The following BANK1 variants were observed in gnomAD, a reference collection of about 807,000 sequenced individuals.
BANK1 encodes the protein B cell scaffold protein with ankyrin repeats 1, also known as B-cell scaffold protein with ankyrin repeats.
Under a neutral mutation model 94.5 loss-of-function variants are expected in BANK1, and 95 were observed. The ratio of observed to expected loss-of-function variants is 1.00; its 90% CI spans 0.85 to 1.19. BANK1 has a LOEUF of 1.19. Among genes scored for constraint, BANK1 ranks in the 50% most tolerant of loss-of-function variants. The pLI, the probability that BANK1 is intolerant of heterozygous loss-of-function variation, is 0.00. For synonymous variants in BANK1, 334 were observed against 308.4 expected (o/e 1.08, Z -0.87); for missense variants, 987 against 932.2 (o/e 1.06, Z -0.77).
chr4:101,913,257 A>G (rs903708580), intron 6 of BANK1, among the ~76,000 whole-genome samples: 1 of 152,178 alleles, frequency 6.6e-6, no homozygotes, highest in Non-Finnish European at 1.5e-5. Flanking sequence ...TTTGTATAGA[A>G]ATAAAATTTC....
At chr4:101,992,602 G>A (rs1725746964) in intron 7 of BANK1, among the ~76,000 whole-genome samples, 1 of 152,042 alleles carries the variant, frequency 6.6e-6, no homozygotes, top group Admixed American at 6.6e-5. Context: ...CATTATTCAG[G>A]ATTTTTCTTT....
intron 7 of BANK1, among the ~76,000 whole-genome samples, chr4:101,949,565 G>A (rs960372894): frequency 1.3e-5 from 2 of 152,102 alleles, no homozygotes; most frequent in Non-Finnish European, 2.9e-5. Flanking sequence ...TTCCTGGCAT[G>A]TGGTAAGTTT....
intron 7 of BANK1, among the ~76,000 whole-genome samples, chr4:101,991,582 G>A (rs1008107265): frequency 1.3e-5 from 2 of 152,182 alleles, no homozygotes; most frequent in African/African-American, 4.8e-5. Context: ...ATGAGCCCAG[G>A]AGGTGGTTTA....
intron 6 of BANK1, among the ~76,000 whole-genome samples, chr4:101,911,354 C>T (rs1472844021): frequency 6.6e-6 from 1 of 152,304 alleles, no homozygotes; most frequent in East Asian, 1.9e-4. Flanking sequence ...ATTACTATTA[C>T]AATGAATAAC....
chr4:101,852,470 CTATATATATATATATATA>C lies in BANK1; in HGVS notation c.470-2548_470-2531del, dbSNP rs541955636. ...GAAAGAACCACTCAATATTTTTCGG[CTATATATATATATATATA>C]TATATATATATATATACACACACAC... On this transcript the variant is annotated intron_variant, in intron 2 of 16. Transcript: ENST00000322953. Among the ~76,000 whole-genome samples the C allele has an allele frequency of 1.1e-4, 11 of 103,768 alleles. 1 individual carries two copies. In the South Asian group the frequency reaches 3.1e-3, roughly 29 times the overall value. The allele number at this position is 103,768 out of a possible 152,430, so 68.1% of individuals were successfully genotyped here. A position where few individuals can be genotyped will look rare whatever the true frequency, so the allele number is the denominator to read the frequency against.
chr4:101,799,327 G>A (rs1288039153), intron 1 of BANK1, among the ~76,000 whole-genome samples: 1 of 152,114 alleles, frequency 6.6e-6, no homozygotes, highest in East Asian at 1.9e-4. Flanking sequence ...CTATATCTCT[G>A]TTTTGGTACC....
chr4:102,033,743 A>G (rs1387462889), intron 10 of BANK1, among the ~76,000 whole-genome samples: 1 of 152,214 alleles, frequency 6.6e-6, no homozygotes, highest in African/African-American at 2.4e-5. Flanking sequence ...GGAGATGAAA[A>G]CTAGTGCTAT....
chr4:101,969,645 A>G (rs1046909375), intron 7 of BANK1, among the ~76,000 whole-genome samples: 1 of 152,116 alleles, frequency 6.6e-6, no homozygotes, highest in African/African-American at 2.4e-5. Flanking sequence ...TGACCCTCTC[A>G]CTAAATTTGC....
chr4:101,978,439 T>C (rs1725210331), intron 7 of BANK1, among the ~76,000 whole-genome samples: 1 of 152,090 alleles, frequency 6.6e-6, no homozygotes, highest in Non-Finnish European at 1.5e-5. Context: ...ACCTGGAAGG[T>C]AGTAAGTACT....
chr4:101,885,547 TTA>T (rs1268199515), intron 5 of BANK1, among the ~76,000 whole-genome samples: 1 of 152,204 alleles, frequency 6.6e-6, no homozygotes, highest in Non-Finnish European at 1.5e-5. Context: ...TCTAAATTCT[TTA>T]TTCTAGTATC....
At chr4:102,073,662 C>T (rs1250054232) in intron 15 of BANK1, 22 bp from the exon 16 acceptor site, 18 of 1,605,374 alleles carry the variant, frequency 1.1e-5, no homozygotes, top group Admixed American at 6.7e-5. Context: ...AATACTAGCT[C>T]TATATCTTTA....
intron 7 of BANK1, among the ~76,000 whole-genome samples, chr4:102,003,999 A>T (rs540495749): frequency 1.3e-5 from 2 of 151,956 alleles, no homozygotes; most frequent in South Asian, 4.1e-4. Flanking sequence ...ACATATATGT[A>T]TATATAACCT....
chr4:102,017,620 C>T (rs935737432), intron 7 of BANK1, among the ~76,000 whole-genome samples: 1 of 152,220 alleles, frequency 6.6e-6, no homozygotes, highest in Non-Finnish European at 1.5e-5. Context: ...ATTCTGCCTT[C>T]CTAAGATTGA....
At chr4:102,056,037 T>C (rs964511102) in intron 11 of BANK1, among the ~76,000 whole-genome samples, 2 of 152,136 alleles carry the variant, frequency 1.3e-5, no homozygotes, top group Non-Finnish European at 2.9e-5. Flanking sequence ...GACTCAGTGT[T>C]ATAATGACAC....
chr4:101,806,021 G>A lies in BANK1; in HGVS notation c.70+15071G>A, dbSNP rs550920500. On this transcript the variant is annotated intron_variant, in intron 1 of 16. Coordinates refer to ENST00000322953, the MANE Select transcript of BANK1 (RefSeq NM_017935.5). Reference sequence around the variant, plus strand: ...AAGTAGAGAGAAAAAGTGTGATTAGGGTCTAAAAGCAAATAAAACTTAATA... The same window carrying A: ...AAGTAGAGAGAAAAAGTGTGATTAGAGTCTAAAAGCAAATAAAACTTAATA... 2.0e-3 allele frequency among the ~76,000 whole-genome samples: 309 copies of A among 151,760 alleles called. 4 individuals carry two copies. Among genetic ancestry groups the A allele is most frequent in the African/African-American group, 7.1e-3 (294 of 41,428 alleles).
intron 5 of BANK1, among the ~76,000 whole-genome samples, chr4:101,881,795 C>T (rs971353711): frequency 6.6e-6 from 1 of 151,996 alleles, no homozygotes; most frequent in Non-Finnish European, 1.5e-5. Flanking sequence ...GGACGGTATG[C>T]TTAGTGAATT....
At chr4:101,865,816 C>T (rs1411524580) in intron 4 of BANK1, among the ~76,000 whole-genome samples, 1 of 151,862 alleles carries the variant, frequency 6.6e-6, no homozygotes. Context: ...CCAAAAAAAC[C>T]CAGCAAGATT....
At chr4:101,847,704 A>G (rs1425458193) in intron 2 of BANK1, among the ~76,000 whole-genome samples, 1 of 150,938 alleles carries the variant, frequency 6.6e-6, no homozygotes, top group Non-Finnish European at 1.5e-5. Context: ...CTGTTAATTC[A>G]TTCCTTTTTA....
chr4:101,791,338 A>C (rs1475870464), intron 1 of BANK1, among the ~76,000 whole-genome samples: 1 of 152,218 alleles, frequency 6.6e-6, no homozygotes, highest in Non-Finnish European at 1.5e-5. Flanking sequence ...GTCGGTAAGC[A>C]CAGAAAAACC....
Sources: gnomAD v4.1 joint callset for allele counts (sites outside exome capture counted in the v4.1 genomes callset) on GRCh38, gnomAD v4.1.1 for gene constraint, MANE v1.5 for transcripts, NCBI Gene and HGNC (gene_info 2026-07-23, HGNC 2026-07-21) for gene names.